Variants in STK36 observed in about 807,000 individuals in gnomAD.
The protein encoded by STK36 is serine/threonine kinase 36, also known as serine/threonine-protein kinase 36.
A neutral mutation model predicts 142.2 loss-of-function variants in STK36; 116 were observed. The ratio of observed to expected loss-of-function variants is 0.82; its 90% CI spans 0.70 to 0.95. The LOEUF (loss-of-function observed/expected upper bound fraction) is 0.95, where lower values mean the gene tolerates loss of function less well. Among genes scored for constraint, STK36 ranks in the 40% least tolerant of loss-of-function variants. STK36 has a pLI of 0.00. For synonymous variants in STK36, 619 were observed against 641.7 expected (o/e 0.96, Z 0.53); for missense variants, 1,422 against 1,617.2 (o/e 0.88, Z 2.07).
Position 218,694,857 on chromosome 2 carries a change from A to G in STK36, c.2511+222A>G, listed in dbSNP as rs1941164916. Among the ~76,000 whole-genome samples the G allele has an allele frequency of 6.6e-6, 1 of 152,318 alleles. No homozygotes were observed. Among genetic ancestry groups the G allele is most frequent in the East Asian group, 1.9e-4 (1 of 5,184 alleles). On this transcript the variant is annotated intron_variant, in intron 21 of 26. Coordinates refer to ENST00000295709, the MANE Select transcript of STK36 (RefSeq NM_015690.5). The surrounding 1 kb of genome is among the most constrained non-coding windows in gnomAD (Gnocchi z 4.4). ...TTTCTTTTTAATATGCAGAGCTTCT[A>G]GAGAGTGAGGGAGGGAAGGGAAGAG...
At chr2:218,698,415 T>C (rs747911758) in intron 25 of STK36, among the ~76,000 whole-genome samples, 187 bp from the exon 26 acceptor site, 11 of 152,182 alleles carry the variant, frequency 7.2e-5, no homozygotes, top group Non-Finnish European at 1.0e-4. Context: ...TAAGGAATGA[T>C]CTTGGAAAGA....
chr2:218,694,416 G>A lies in STK36; in HGVS notation c.2400+89G>A. ...GGGAGTCACTATCCAATTTGCATCT[G>A]TTTCTGGAGGCATTCTTTTGGACCA... On this transcript the variant is annotated intron_variant, in intron 20 of 26. Coordinates refer to ENST00000295709, the MANE Select transcript of STK36 (RefSeq NM_015690.5). The surrounding 1 kb of genome is among the most constrained non-coding windows in gnomAD (Gnocchi z 4.4). 1 of 1,511,628 alleles carries A rather than the reference G, an allele frequency of 6.6e-7. No individual in the cohort carries two copies. The highest frequency in any genetic ancestry group is 2.3e-5 in the East Asian group (1 of 44,318). 93.6% of individuals were successfully genotyped at this position (1,511,628 alleles called of 1,614,324 possible).
Position 218,698,616 on chromosome 2 carries a change from T to C in STK36, c.3072T>C (p.His1024=). Residue 1024 remains histidine, a synonymous_variant, in exon 26 of 27, where the codon CAT becomes CAC. Transcript: ENST00000295709. The stretch of plus-strand genomic sequence containing the variant: ...TGTTCTCTCAGGTCTGCTGCTACCA[T>C]CTTCCGTTGATGCAAGTGGAGCTGC... ...AAHLLQVCCY[H]LPLMQVELPI... The C allele has an allele frequency of 6.2e-7, 1 of 1,613,944 alleles. No homozygotes were observed. The highest frequency in any genetic ancestry group is 8.5e-7 in the Non-Finnish European group (1 of 1,179,898).
intron 11 of STK36, among the ~76,000 whole-genome samples, chr2:218,687,403 TC>T (rs2106355921): frequency 6.6e-6 from 1 of 152,402 alleles, no homozygotes; most frequent in Admixed American, 6.5e-5. Flanking sequence ...AGGTTTCTGA[TC>T]CATCTTGAGC....
intron 2 of STK36, chr2:218,673,376 C>T: frequency 2.0e-6 from 1 of 503,106 alleles, no homozygotes; most frequent in Non-Finnish European, 3.4e-6. Flanking sequence ...GAGTGCTGGT[C>T]AAATCAGAAC....
rs369636298 is a variant in STK36, at chr2:218,673,617, A to G, written c.85-8A>G. The stretch of plus-strand genomic sequence containing the variant: ...TTAGGCGTTAACTTTTCACCTTACC[A>G]CTGACAGGTCGTGGCCCTGAAGTTC... On this transcript the variant is annotated splice_polypyrimidine_tract_variant and splice_region_variant and intron_variant, in intron 2 of 26. Transcript: ENST00000295709. 5 of 1,610,706 alleles carry G rather than the reference A, an allele frequency of 3.1e-6. No homozygotes were observed. The highest frequency in any genetic ancestry group is 4.2e-6 in the Non-Finnish European group (5 of 1,178,824).
chr2:218,693,549 G>C (rs1056754908), intron 17 of STK36, among the ~76,000 whole-genome samples, 174 bp from the exon 18 acceptor site: 2 of 152,162 alleles, frequency 1.3e-5, no homozygotes, highest in African/African-American at 4.8e-5. Flanking sequence ...CAGCGGAACC[G>C]AGAAGGGTCC....
Position 218,697,049 on chromosome 2 carries a change from C to T in STK36, c.2597C>T (p.Ala866Val), listed in dbSNP as rs2106365632. ...LLQLLTEQGK[A>V]SLIRDMSSSE... ...CACTTTTATCTCTAGCAGGGGAAGGCTAGCCTAATCAGGGATATGTCCAGT... is the reference window on the plus strand; with the variant it reads ...CACTTTTATCTCTAGCAGGGGAAGGTTAGCCTAATCAGGGATATGTCCAGT... The change falls in exon 23 of 27, where the codon GCT becomes GTT. Residue 866 changes from alanine (A) to valine (V), a missense_variant. Ala to Val is a moderately conservative substitution (Grantham distance 64). Around this residue, in one of 2 missense-constraint regions of STK36, gnomAD observed 962 missense variants for 1,167.5 expected, o/e 0.82. Coordinates refer to ENST00000295709, the MANE Select transcript of STK36 (RefSeq NM_015690.5). The T allele has an allele frequency of 1.9e-6, 3 of 1,613,956 alleles. No homozygotes were observed. The highest frequency in any genetic ancestry group is 1.7e-5 in the Admixed American group (1 of 59,992).
In STK36 at chr2:218,692,161, G is replaced by A. The variant is rs929086973; in HGVS notation, c.1783G>A (p.Glu595Lys). 8 of 1,614,148 alleles carry A rather than the reference G, an allele frequency of 5.0e-6. No homozygotes were observed. The highest frequency in any genetic ancestry group is 2.2e-5 in the East Asian group (1 of 44,886). Residue 595 changes from glutamate to lysine, a missense_variant, in exon 15 of 27, where the codon GAA becomes AAA. Coordinates refer to ENST00000295709, the MANE Select transcript of STK36 (RefSeq NM_015690.5). Reference protein sequence around the residue: ...DSLMCFTVLCEAMDGNSRAIS... With the variant: ...DSLMCFTVLCKAMDGNSRAIS... ...CCTTTAGTGCTTTACTGTCCTGTGC[G>A]AAGCCATGGATGGGAACAGCCGGGC...
rs778166293 is a variant in STK36 at position 218,679,668 on chromosome 2, G to T, written c.887G>T (p.Gly296Val). 1.2e-6 allele frequency: 2 copies of T among 1,614,196 alleles called. No homozygotes were observed. Among genetic ancestry groups the T allele is most frequent in the Admixed American group, 3.3e-5 (2 of 60,014 alleles). Residue 296 changes from glycine to valine, a missense_variant, in exon 8 of 27, where the codon GGT becomes GTT. By Grantham distance (109) the Gly-to-Val change is moderately radical. Transcript: ENST00000295709. ...CAGGCCCATCGGTTGGCCCCCAAGGGTAATCAGTCTCGCATCTTGACTCAG... is the reference window on the plus strand; with the variant it reads ...CAGGCCCATCGGTTGGCCCCCAAGGTTAATCAGTCTCGCATCTTGACTCAG... ...DEQAHRLAPK[G>V]NQSRILTQAY...
At chr2:218,700,873 G>T (rs1272629173) in intron 26 of STK36, among the ~76,000 whole-genome samples, 2 of 151,054 alleles carry the variant, frequency 1.3e-5, no homozygotes, top group Non-Finnish European at 2.9e-5. Flanking sequence ...TTAGCTGGGT[G>T]TGGTGGCAGG....
At chr2:218,680,129 C>CT in intron 9 of STK36, 49 bp downstream of exon 9, 2 of 1,571,724 alleles carry the variant, frequency 1.3e-6, no homozygotes, top group Non-Finnish European at 1.7e-6. Flanking sequence ...TCTTGCACAT[C>CT]TTTAACTCTA....
rs1186156689 is a variant in STK36 at position 218,690,505 on chromosome 2, C to T, written c.1714C>T (p.Leu572=). Residue 572 remains leucine (L), a synonymous_variant, in exon 14 of 27, where the codon CTG becomes TTG. Transcript: ENST00000295709. Reference sequence around the variant, plus strand: ...TTTTCTGGACCTGTTGGGGAAACTGCTGGCCCAACCAGATGACTCTGAGCA... The same window carrying T: ...TTTTCTGGACCTGTTGGGGAAACTGTTGGCCCAACCAGATGACTCTGAGCA... ...NLFLDLLGKL[L]AQPDDSEQTL... is the part of the protein sequence containing the mutation. 5.6e-6 allele frequency: 9 copies of T among 1,614,160 alleles called. No homozygotes were observed. The highest frequency in any genetic ancestry group is 7.6e-6 in the Non-Finnish European group (9 of 1,180,030).
At chr2:218,688,052 G>A (rs1265625432) in intron 11 of STK36, among the ~76,000 whole-genome samples, 1 of 152,196 alleles carries the variant, frequency 6.6e-6, no homozygotes, top group Non-Finnish European at 1.5e-5. Context: ...CAGCTACTTG[G>A]GAGGCTGAGG....
rs1940393952 is a variant in STK36, at chr2:218,679,278, C to T, written c.778+17C>T. 6.2e-7 allele frequency: 1 copy of T among 1,612,362 alleles called. No homozygotes were observed. Among genetic ancestry groups the T allele is most frequent in the Admixed American group, 1.7e-5 (1 of 59,966 alleles). ...ATGTCACCAGTGAGTCATCAGGGTT[C>T]CCAGGGCTCTTGGACTTCCCAGTAC... On this transcript the variant is annotated intron_variant, in intron 7 of 26. Coordinates refer to ENST00000295709, the MANE Select transcript of STK36 (RefSeq NM_015690.5).
intron 12 of STK36, among the ~76,000 whole-genome samples, chr2:218,689,320 T>G (rs2106357770): frequency 6.6e-6 from 1 of 152,356 alleles, no homozygotes; most frequent in Middle Eastern, 3.4e-3. Flanking sequence ...ATTGACCTGA[T>G]CTTACAGAGC....
chr2:218,688,532 T>C, intron 11 of STK36, 165 bp from the exon 12 acceptor site: 1 of 782,366 alleles, frequency 1.3e-6, no homozygotes, highest in Non-Finnish European at 2.1e-6. Context: ...CTGGTACAGT[T>C]CCCCTATTTC....
intron 10 of STK36, among the ~76,000 whole-genome samples, chr2:218,683,773 C>T (rs1940643952): frequency 6.6e-6 from 1 of 152,004 alleles, no homozygotes. Context: ...TGTGATGTTC[C>T]CCTTCCTGTG....
chr2:218,702,227 C>T lies in STK36; in HGVS notation c.*218C>T. The stretch of plus-strand genomic sequence containing the variant: ...CCAGTAAATTTTATTGCTGTTGGTG[C>T]CAGAGAAGAGTCCTTTCTTCTCTAC... On this transcript the variant is annotated 3_prime_UTR_variant, in exon 27 of 27. Transcript: ENST00000295709. The T allele has an allele frequency of 2.0e-6, 1 of 509,368 alleles. No homozygotes were observed. The highest frequency in any genetic ancestry group is 3.2e-6 in the Non-Finnish European group (1 of 307,730). 31.6% of individuals were successfully genotyped at this position (509,368 alleles called of 1,614,324 possible).
Sources: gnomAD v4.1 joint callset for allele counts (sites outside exome capture counted in the v4.1 genomes callset) on GRCh38, gnomAD v4.1.1 for gene constraint, gnomAD v4.1.1 regional missense constraint, Gnocchi (gnomAD v3.1) non-coding constraint, MANE v1.5 for transcripts, NCBI Gene and HGNC (gene_info 2026-07-23, HGNC 2026-07-21) for gene names.